Variants in NCAM2 observed in about 807,000 individuals in gnomAD.
NCAM2 encodes N-CAM-2.
NCAM2 carries 30 observed loss-of-function variants against 98.1 expected under a neutral mutation model. The observed-to-expected ratio is 0.31, with a 90% CI of 0.23 to 0.41. The LOEUF (loss-of-function observed/expected upper bound fraction) is 0.41. Ranked by LOEUF, NCAM2 falls within the 10% of genes least tolerant of loss-of-function variation. The pLI, the probability that NCAM2 is intolerant of heterozygous loss-of-function variation, is 1.00. For missense variants in NCAM2, 867 were observed against 1,005.8 expected (o/e 0.86, Z 1.87); for synonymous variants, 368 against 342.4 (o/e 1.07, Z -0.83).
At chr21:21,111,380 C>T (rs1007251622) in intron 1 of NCAM2, among the ~76,000 whole-genome samples, 2 of 152,036 alleles carry the variant, frequency 1.3e-5, no homozygotes, top group Non-Finnish European at 2.9e-5. Context: ...GTTTTGAGCC[C>T]GGAGGCATGG....
intron 5 of NCAM2, among the ~76,000 whole-genome samples, chr21:21,306,692 A>T (rs2073889091): frequency 6.6e-6 from 1 of 152,204 alleles, no homozygotes; most frequent in Non-Finnish European, 1.5e-5. Flanking sequence ...CCTTTGAGTT[A>T]CAAACAATCC....
At chr21:21,447,538 AT>A (rs1256636232) in intron 12 of NCAM2, among the ~76,000 whole-genome samples, 1 of 152,184 alleles carries the variant, frequency 6.6e-6, no homozygotes, top group African/African-American at 2.4e-5. Flanking sequence ...CAAAAGCCAA[AT>A]TTGACAAATG....
intron 1 of NCAM2, among the ~76,000 whole-genome samples, chr21:21,136,513 G>A (rs1933592393): frequency 6.6e-6 from 1 of 151,160 alleles, no homozygotes; most frequent in Non-Finnish European, 1.5e-5. Flanking sequence ...TCATGCTGGA[G>A]TGCAGTGGTG....
chr21:21,009,207 A>G (rs897055131), intron 1 of NCAM2, among the ~76,000 whole-genome samples: 17 of 152,176 alleles, frequency 1.1e-4, no homozygotes, highest in African/African-American at 4.1e-4. Context: ...TGATTTTAAA[A>G]AGCATATTTA....
chr21:21,533,648 G>GTTT (rs71734481), intron 16 of NCAM2, among the ~76,000 whole-genome samples: 2 of 137,866 alleles, frequency 1.5e-5, no homozygotes, highest in African/African-American at 2.6e-5. Context: ...CCCTTCTTTA[G>GTTT]TTTTTTTTTT....
chr21:21,442,058 C>T (rs747458793), intron 12 of NCAM2, among the ~76,000 whole-genome samples: 31 of 152,142 alleles, frequency 2.0e-4, no homozygotes, highest in Non-Finnish European at 4.1e-4. Context: ...GTTCCAGAAG[C>T]ACTGATATAA....
At chr21:21,000,795 A>C (rs8184905) in intron 1 of NCAM2, among the ~76,000 whole-genome samples, 1 of 151,912 alleles carries the variant, frequency 6.6e-6, no homozygotes, top group Non-Finnish European at 1.5e-5. Context: ...GCTTGGATAT[A>C]GATATCCTCA....
chr21:21,083,465 G>T (rs545740751), intron 1 of NCAM2, among the ~76,000 whole-genome samples: 1 of 151,414 alleles, frequency 6.6e-6, no homozygotes, highest in East Asian at 1.9e-4. Context: ...TGGTTGCCCA[G>T]GCTGGAGTGC....
chr21:21,244,519 G>T (rs908575605), intron 1 of NCAM2, among the ~76,000 whole-genome samples: 2 of 151,868 alleles, frequency 1.3e-5, no homozygotes, highest in African/African-American at 4.8e-5. Flanking sequence ...TATCATATAC[G>T]TTGTATATTA....
chr21:21,103,581 A>G (rs367705642), intron 1 of NCAM2, among the ~76,000 whole-genome samples: 3 of 152,148 alleles, frequency 2.0e-5, no homozygotes, highest in African/African-American at 7.2e-5. Flanking sequence ...ATGAACTTCA[A>G]AATTGCTATC....
chr21:21,019,942 T>A (rs2064395053), intron 1 of NCAM2, among the ~76,000 whole-genome samples: 1 of 152,174 alleles, frequency 6.6e-6, no homozygotes, highest in Non-Finnish European at 1.5e-5. Context: ...GAATGTGGAA[T>A]TGAGGGTAAT....
At chr21:21,198,728 C>T (rs1476742471) in intron 1 of NCAM2, among the ~76,000 whole-genome samples, 2 of 152,108 alleles carry the variant, frequency 1.3e-5, no homozygotes, top group South Asian at 4.1e-4. Flanking sequence ...ATAAACTTCC[C>T]TGTTTCTCTC....
At chr21:21,165,946 A>G (rs1423174499) in intron 1 of NCAM2, among the ~76,000 whole-genome samples, 2 of 152,132 alleles carry the variant, frequency 1.3e-5, no homozygotes, top group Admixed American at 1.3e-4. Flanking sequence ...TGACTATGCT[A>G]TGAGAGCTCC....
intron 15 of NCAM2, among the ~76,000 whole-genome samples, chr21:21,483,097 T>TA (rs1459771475): frequency 1.3e-5 from 2 of 152,066 alleles, no homozygotes; most frequent in African/African-American, 4.8e-5. Context: ...TAAATAAACT[T>TA]ACTTTGAAAA....
chr21:21,068,754 T>A (rs1247205149), intron 1 of NCAM2, among the ~76,000 whole-genome samples: 1 of 152,188 alleles, frequency 6.6e-6, no homozygotes, highest in African/African-American at 2.4e-5. Flanking sequence ...CAATGACTTA[T>A]CGTTATTACG....
At chr21:21,517,293 T>C (rs1474856878) in intron 16 of NCAM2, among the ~76,000 whole-genome samples, 1 of 152,230 alleles carries the variant, frequency 6.6e-6, no homozygotes, top group Non-Finnish European at 1.5e-5. Flanking sequence ...TTACATATTT[T>C]TATATTCATT....
Position 21,282,337 on chromosome 21 carries a change from T to C in NCAM2, c.130+1685T>C, listed in dbSNP as rs892781263. Reference sequence around the variant, plus strand: ...GCCTGTATGTATTGCATAGCTCAAATTAAGACATACTTTAAAGTGAATTAA... The same window carrying C: ...GCCTGTATGTATTGCATAGCTCAAACTAAGACATACTTTAAAGTGAATTAA... On this transcript the variant is annotated intron_variant, in intron 2 of 17. Coordinates refer to ENST00000400546, the MANE Select transcript of NCAM2 (RefSeq NM_004540.5). Among the ~76,000 whole-genome samples, 8 of 152,052 alleles carry C rather than the reference T, an allele frequency of 5.3e-5. No individual in the cohort carries two copies. The South Asian group carries it at 8.3e-4, about 16-fold the overall frequency.
chr21:21,463,969 A>G (rs1246775588), intron 12 of NCAM2: 1 of 151,964 alleles, frequency 6.6e-6, no homozygotes, highest in Admixed American at 6.6e-5. Flanking sequence ...CTCTGCTGTT[A>G]TCAATTTTTA....
At chr21:21,457,822 A>T (rs552406803) in intron 12 of NCAM2, among the ~76,000 whole-genome samples, 5 of 152,204 alleles carry the variant, frequency 3.3e-5, no homozygotes, top group Non-Finnish European at 5.9e-5. Flanking sequence ...GAAATACATG[A>T]TTTAAAGATA....
Sources: gnomAD v4.1 joint callset for allele counts (sites outside exome capture counted in the v4.1 genomes callset) on GRCh38, gnomAD v4.1.1 for gene constraint, MANE v1.5 for transcripts, NCBI Gene and HGNC (gene_info 2026-07-23, HGNC 2026-07-21) for gene names.